NPAS3: variants seen among roughly 807,000 people sequenced by gnomAD.
The protein encoded by NPAS3 is neuronal PAS domain protein 3.
NPAS3 carries 14 observed loss-of-function variants against 73.1 expected under a neutral mutation model. The ratio of observed to expected loss-of-function variants is 0.19; its 90% CI spans 0.13 to 0.30. The LOEUF (loss-of-function observed/expected upper bound fraction) is 0.30. Among genes scored for constraint, NPAS3 ranks in the 10% least tolerant of loss-of-function variants. NPAS3 has a pLI of 1.00. For synonymous variants in NPAS3, 620 were observed against 541.5 expected (o/e 1.14, Z -2.01); for missense variants, 1,096 against 1,250.0 (o/e 0.88, Z 1.86).
intron 4 of NPAS3, among the ~76,000 whole-genome samples, chr14:33,439,444 T>C (rs1809079820): frequency 6.6e-6 from 1 of 152,230 alleles, no homozygotes; most frequent in African/African-American, 2.4e-5. Flanking sequence ...TATCATTCTC[T>C]TCACCATGGT....
chr14:33,101,136 C>G (rs1299155803), intron 2 of NPAS3, among the ~76,000 whole-genome samples: 1 of 152,156 alleles, frequency 6.6e-6, no homozygotes, highest in African/African-American at 2.4e-5. Flanking sequence ...CGCCCTGCCC[C>G]CCACACACAC....
intron 2 of NPAS3, among the ~76,000 whole-genome samples, chr14:33,111,415 T>G (rs1028418787): frequency 6.6e-6 from 1 of 152,182 alleles, no homozygotes; most frequent in Non-Finnish European, 1.5e-5. Context: ...AAGAAGAAGC[T>G]GGAATTATTT....
intron 2 of NPAS3, among the ~76,000 whole-genome samples, chr14:33,204,662 C>A (rs916908597): frequency 6.6e-6 from 1 of 152,074 alleles, no homozygotes; most frequent in Non-Finnish European, 1.5e-5. Context: ...GCAAATGATA[C>A]ACTGAGCAAA....
intron 4 of NPAS3, among the ~76,000 whole-genome samples, chr14:33,417,353 A>G (rs2048188765): frequency 6.6e-6 from 1 of 152,028 alleles, no homozygotes; most frequent in South Asian, 2.1e-4. Context: ...CCTCTAAAAT[A>G]TAACTGCAAT....
At chr14:33,365,988 G>A (rs1177537276) in intron 3 of NPAS3, among the ~76,000 whole-genome samples, 1 of 152,168 alleles carries the variant, frequency 6.6e-6, no homozygotes, top group Non-Finnish European at 1.5e-5. Context: ...TGAGAGAGCA[G>A]AGGTTTGTAA....
At chr14:33,694,113 C>T (rs1346847405) in intron 6 of NPAS3, among the ~76,000 whole-genome samples, 2 of 152,220 alleles carry the variant, frequency 1.3e-5, no homozygotes, top group Middle Eastern at 3.4e-3. Context: ...CAGTGCAAGG[C>T]TCTGACAGTG....
intron 2 of NPAS3, among the ~76,000 whole-genome samples, chr14:33,057,370 T>G (rs1595349267): frequency 6.6e-6 from 1 of 152,244 alleles, no homozygotes; most frequent in Admixed American, 6.5e-5. Context: ...GCCAGGTTTC[T>G]GTAATTTGTT....
intron 4 of NPAS3, among the ~76,000 whole-genome samples, chr14:33,548,182 C>T (rs973705369): frequency 2.6e-5 from 4 of 152,136 alleles, no homozygotes; most frequent in African/African-American, 4.8e-5. Flanking sequence ...TGTGGCTGAA[C>T]GTATTATTGC....
chr14:33,185,445 C>T (rs1169117813), intron 2 of NPAS3, among the ~76,000 whole-genome samples: 2 of 152,148 alleles, frequency 1.3e-5, no homozygotes, highest in African/African-American at 4.8e-5. Flanking sequence ...ACACTTACCA[C>T]ATAATGAGAA....
chr14:33,370,180 A>C (rs546901895), intron 4 of NPAS3, among the ~76,000 whole-genome samples: 1 of 152,308 alleles, frequency 6.6e-6, no homozygotes, highest in African/African-American at 2.4e-5. Context: ...AATAGCTTAC[A>C]GTCATTCAGG....
At chr14:33,729,355 G>C (rs17101797) in intron 6 of NPAS3, among the ~76,000 whole-genome samples, 1 of 152,122 alleles carries the variant, frequency 6.6e-6, no homozygotes, top group Admixed American at 6.6e-5. Flanking sequence ...CCAAAAAGAG[G>C]TTCTACATTA....
At chr14:33,792,648 C>T (rs187664133) in intron 9 of NPAS3, among the ~76,000 whole-genome samples, 4 of 151,742 alleles carry the variant, frequency 2.6e-5, no homozygotes, top group Admixed American at 2.0e-4. Flanking sequence ...ACTTATTAGC[C>T]GTAATTAAAT....
intron 2 of NPAS3, among the ~76,000 whole-genome samples, chr14:33,122,949 TAAAAC>T (rs1008592399): frequency 1.8e-4 from 27 of 152,114 alleles, no homozygotes; most frequent in Non-Finnish European, 3.1e-4. Flanking sequence ...AAGTCGAAAA[TAAAAC>T]AAAACAACAC....
intron 5 of NPAS3, chr14:33,611,023 A>G (rs1488593161): frequency 6.6e-6 from 1 of 152,230 alleles, no homozygotes. Flanking sequence ...TGGAAAAAGC[A>G]TGCATGTCTC....
chr14:33,640,496 T>A (rs551417915), intron 5 of NPAS3, among the ~76,000 whole-genome samples: 1 of 152,200 alleles, frequency 6.6e-6, no homozygotes, highest in South Asian at 2.1e-4. Flanking sequence ...TTTTCAATAA[T>A]TAAAATTCAC....
intron 7 of NPAS3, among the ~76,000 whole-genome samples, chr14:33,741,483 C>A (rs1483056325): frequency 1.3e-5 from 2 of 152,076 alleles, no homozygotes; most frequent in African/African-American, 4.8e-5. Context: ...AGGAGAGAAC[C>A]AATAAAATCA....
intron 4 of NPAS3, among the ~76,000 whole-genome samples, chr14:33,477,844 A>C (rs2051115850): frequency 6.6e-6 from 1 of 152,224 alleles, no homozygotes; most frequent in African/African-American, 2.4e-5. Flanking sequence ...CCAAAATCAC[A>C]AATAAAAGGA....
intron 2 of NPAS3, among the ~76,000 whole-genome samples, chr14:33,158,670 A>G (rs2044736630): frequency 6.6e-6 from 1 of 152,220 alleles, no homozygotes; most frequent in South Asian, 2.1e-4. Context: ...AGTACATAAC[A>G]AAAGTCAGTG....
chr14:33,274,279 GA>G (rs1192514329), intron 3 of NPAS3, among the ~76,000 whole-genome samples: 1 of 152,182 alleles, frequency 6.6e-6, no homozygotes, highest in Admixed American at 6.5e-5. Context: ...TATGTACGGA[GA>G]AACATTTAGG....
Sources: allele counts gnomAD v4.1 joint callset (sites outside exome capture counted in the v4.1 genomes callset), GRCh38; gene constraint gnomAD v4.1.1; transcripts MANE v1.5; gene names NCBI Gene and HGNC (gene_info 2026-07-23, HGNC 2026-07-21).